The following RIMS1 variants were observed in gnomAD, a reference collection of about 807,000 sequenced individuals.
The protein encoded by RIMS1 is regulating synaptic membrane exocytosis 1.
A neutral mutation model predicts 214.1 loss-of-function variants in RIMS1; 83 were observed. That is an observed-to-expected ratio of 0.39 (90% confidence interval 0.32 to 0.47). The LOEUF is 0.47. Among genes scored for constraint, RIMS1 ranks in the 20% least tolerant of loss-of-function variants. RIMS1 has a pLI of 0.99. For missense variants in RIMS1, 2,050 were observed against 2,161.8 expected (o/e 0.95, Z 1.03); for synonymous variants, 793 against 786.8 (o/e 1.01, Z -0.13).
chr6:72,182,995 G>A lies in RIMS1; in HGVS notation c.1524G>A (p.Ser508=), dbSNP rs1472103002. The change falls in exon 6 of 34, where the codon TCG becomes TCA. Residue 508 remains serine, a synonymous_variant. Transcript: ENST00000521978. ...NDSLSSDQSE[S]VRPSPPKPHR... ...CTTTGAGCTCAGACCAGTCCGAGTC[G>A]GTGCGGCCGTCCCCGCCCAAGCCGC... The A allele has an allele frequency of 1.3e-6, 2 of 1,593,758 alleles. No individual in the cohort carries two copies. The highest frequency in any genetic ancestry group is 8.5e-7 in the Non-Finnish European group (1 of 1,171,686).
At chr6:71,998,362 G>A (rs969623821) in intron 2 of RIMS1, among the ~76,000 whole-genome samples, 1 of 152,098 alleles carries the variant, frequency 6.6e-6, no homozygotes, top group African/African-American at 2.4e-5. Flanking sequence ...TTCATCTAGA[G>A]CAGCGCTAGA....
At chr6:72,260,485 G>A (rs1269335423) in intron 18 of RIMS1, among the ~76,000 whole-genome samples, 1 of 152,042 alleles carries the variant, frequency 6.6e-6, no homozygotes, top group Non-Finnish European at 1.5e-5. Flanking sequence ...GAAATACAAT[G>A]GCAAATCAGC....
intron 1 of RIMS1, among the ~76,000 whole-genome samples, chr6:71,889,443 C>G (rs1188413907): frequency 6.6e-6 from 1 of 152,152 alleles, no homozygotes; most frequent in Admixed American, 6.5e-5. Context: ...TCCTTTGTTG[C>G]ATGGATTCAC....
intron 1 of RIMS1, among the ~76,000 whole-genome samples, chr6:71,958,745 A>C (rs1792047063): frequency 6.6e-6 from 1 of 152,122 alleles, no homozygotes; most frequent in East Asian, 1.9e-4. Flanking sequence ...TGAGGCCATA[A>C]AAATGACAGC....
At chr6:71,992,755 G>A (rs1802260482) in intron 2 of RIMS1, among the ~76,000 whole-genome samples, 1 of 151,928 alleles carries the variant, frequency 6.6e-6, no homozygotes, top group Admixed American at 6.6e-5. Context: ...AACCTCCTGG[G>A]CTCAGGTGAT....
At chr6:72,266,161 GCTAA>G (rs1342498656) in intron 22 of RIMS1, 112 bp downstream of exon 22, 2 of 785,474 alleles carry the variant, frequency 2.5e-6, no homozygotes, top group Non-Finnish European at 4.3e-6. Context: ...TGTATACTTT[GCTAA>G]CTGTCTACAT....
Position 72,320,054 on chromosome 6 carries a change from C to T in RIMS1, c.4130+6382C>T, listed in dbSNP as rs182256537. Among the ~76,000 whole-genome samples, 68 of 152,186 alleles carry T rather than the reference C, an allele frequency of 4.5e-4. 1 individual carries two copies. The Middle Eastern group carries it at 0.014, about 30-fold the overall frequency. ...ACGGCTAACACATAATATAGTGCAA[C>T]GGCATTTAAAATTCGAATTTTGATT... On this transcript the variant is annotated intron_variant, in intron 28 of 33. Coordinates refer to ENST00000521978, the MANE Select transcript of RIMS1 (RefSeq NM_014989.7).
At chr6:71,898,254 A>G (rs1028950130) in intron 1 of RIMS1, among the ~76,000 whole-genome samples, 2 of 152,148 alleles carry the variant, frequency 1.3e-5, no homozygotes, top group African/African-American at 4.8e-5. Flanking sequence ...AGTTTATAGC[A>G]TAGTACTGTT....
At chr6:71,936,453 C>T (rs976615382) in intron 1 of RIMS1, among the ~76,000 whole-genome samples, 2 of 151,970 alleles carry the variant, frequency 1.3e-5, no homozygotes, top group South Asian at 4.1e-4. Flanking sequence ...CCAGCTGCCT[C>T]CCTACACCAC....
chr6:72,059,609 G>A (rs1827305583), intron 2 of RIMS1, among the ~76,000 whole-genome samples: 1 of 152,076 alleles, frequency 6.6e-6, no homozygotes, highest in Non-Finnish European at 1.5e-5. Context: ...TCAATTTATT[G>A]ATTGATTAAG....
intron 2 of RIMS1, among the ~76,000 whole-genome samples, chr6:71,989,421 A>C (rs1246748478): frequency 6.6e-6 from 1 of 152,158 alleles, no homozygotes; most frequent in Non-Finnish European, 1.5e-5. Flanking sequence ...CAAAGCACTT[A>C]ATTTCATGGG....
At chr6:72,196,045 C>T (rs1437578773) in intron 6 of RIMS1, among the ~76,000 whole-genome samples, 1 of 152,080 alleles carries the variant, frequency 6.6e-6, no homozygotes. Flanking sequence ...TCTATTGATA[C>T]ATGTGGATCA....
chr6:72,278,562 A>G (rs189112688), intron 23 of RIMS1, among the ~76,000 whole-genome samples: 31 of 152,262 alleles, frequency 2.0e-4, no homozygotes, highest in Admixed American at 1.8e-3. Flanking sequence ...CATATTTTCA[A>G]AGTTAGTGTA....
At chr6:72,119,786 A>C (rs2153829518) in intron 4 of RIMS1, among the ~76,000 whole-genome samples, 1 of 151,784 alleles carries the variant, frequency 6.6e-6, no homozygotes, top group African/African-American at 2.4e-5. Flanking sequence ...TATTTCTTTA[A>C]TGCTATCCTT....
intron 2 of RIMS1, among the ~76,000 whole-genome samples, chr6:72,045,848 T>A (rs2152110588): frequency 6.6e-6 from 1 of 151,862 alleles, no homozygotes. Context: ...CTCCCTCAAT[T>A]TGGGTCTTTG....
At chr6:72,148,576 C>A in intron 4 of RIMS1, 2 of 456,688 alleles carry the variant, frequency 4.4e-6, no homozygotes, top group Non-Finnish European at 8.8e-6. Flanking sequence ...GTTCCCTATA[C>A]CTCATCTATG....
At chr6:72,088,477 C>T (rs117455568) in intron 2 of RIMS1, among the ~76,000 whole-genome samples, 10,622 of 151,996 alleles carry the variant, frequency 0.07, 427 homozygotes, top group Non-Finnish European at 0.093. Context: ...AGGCTGGTCT[C>T]GAACTCCTGA....
intron 27 of RIMS1, among the ~76,000 whole-genome samples, chr6:72,309,441 T>G (rs1293925806): frequency 6.6e-6 from 1 of 152,130 alleles, no homozygotes; most frequent in East Asian, 1.9e-4. Flanking sequence ...CTCTGTATAG[T>G]GAAGAGGCCT....
chr6:72,078,921 C>T (rs564253252), intron 2 of RIMS1, among the ~76,000 whole-genome samples: 209 of 152,154 alleles, frequency 1.4e-3, no homozygotes, highest in African/African-American at 4.7e-3. Flanking sequence ...AAACACTATA[C>T]ATACTAAGCA....
Sources: gnomAD v4.1 joint callset for allele counts (sites outside exome capture counted in the v4.1 genomes callset) on GRCh38, gnomAD v4.1.1 for gene constraint, MANE v1.5 for transcripts, NCBI Gene and HGNC (gene_info 2026-07-23, HGNC 2026-07-21) for gene names.